The following CAST variants were observed in gnomAD, a reference collection of about 807,000 sequenced individuals.
CAST encodes the protein MIR583 host.
CAST carries 76 observed loss-of-function variants against 119.6 expected under a neutral mutation model. That is an observed-to-expected ratio of 0.64 (90% CI 0.53 to 0.77). The LOEUF is 0.77. CAST is among the 30% of genes least tolerant of loss of function. CAST has a pLI of 0.00. For synonymous variants in CAST, 319 were observed against 331.6 expected, an observed-to-expected ratio of 0.96 and a Z score of 0.41; for missense variants, 953 against 946.5, an observed-to-expected ratio of 1.01 and a Z score of -0.09.
intron 2 of CAST, among the ~76,000 whole-genome samples, chr5:96,694,459 A>C (rs984489119): frequency 6.6e-6 from 1 of 152,082 alleles, no homozygotes; most frequent in African/African-American, 2.4e-5. Flanking sequence ...AACACGCTGA[A>C]ACCCTACTAA....
At chr5:96,332,925 C>A in the CAST span, among the ~76,000 whole-genome samples, 1 of 152,174 alleles carries the variant, frequency 6.6e-6, no homozygotes, top group Non-Finnish European at 1.5e-5. Flanking sequence ...ACCTTTGACT[C>A]CAGCCAGGTG....
chr5:96,289,823 T>C, the CAST span, among the ~76,000 whole-genome samples: 1 of 152,114 alleles, frequency 6.6e-6, no homozygotes, highest in African/African-American at 2.4e-5. Flanking sequence ...ATAAATGAGG[T>C]GAAAAAATGT....
the CAST span, among the ~76,000 whole-genome samples, chr5:96,411,862 T>C: frequency 6.6e-6 from 1 of 152,174 alleles, no homozygotes. Context: ...CAGGCTGGAG[T>C]GCAATGCTGC....
At chr5:96,200,754 C>T in the CAST span, among the ~76,000 whole-genome samples, 1 of 152,064 alleles carries the variant, frequency 6.6e-6, no homozygotes, top group African/African-American at 2.4e-5. Flanking sequence ...CTTAGTTCCT[C>T]TGTGGCTTAG....
chr5:96,328,128 G>A, the CAST span, among the ~76,000 whole-genome samples: 499 of 152,204 alleles, frequency 3.3e-3, 1 homozygote, highest in African/African-American at 0.011. Context: ...GCTTTCCTTG[G>A]CATTTTCATT....
the CAST span, among the ~76,000 whole-genome samples, chr5:96,001,976 C>A: frequency 2.0e-5 from 3 of 152,118 alleles, no homozygotes; most frequent in East Asian, 5.8e-4. Context: ...CTTCTGTTTC[C>A]CTCTGCATAC....
At chr5:96,407,965 A>G in the CAST span, among the ~76,000 whole-genome samples, 2 of 152,248 alleles carry the variant, frequency 1.3e-5, no homozygotes, top group South Asian at 2.1e-4. Flanking sequence ...TATGTTTAAT[A>G]TATTGTAGAA....
intron 1 of CAST, among the ~76,000 whole-genome samples, chr5:96,548,922 G>T (rs1746069227): frequency 6.6e-6 from 1 of 152,178 alleles, no homozygotes; most frequent in South Asian, 2.1e-4. Flanking sequence ...AGAGAGCAGG[G>T]CAAGGAAGCA....
rs988415839 is a variant in CAST, at chr5:96,773,735, G to A, written c.*1119G>A. On this transcript the variant is annotated 3_prime_UTR_variant, in exon 32 of 32. Coordinates refer to ENST00000675179, the MANE Select transcript of CAST (RefSeq NM_001750.7). ...TCCTGAACATTGCACTGATATCATC[G>A]ATTAGAATTTTGATATTTAATTTCA... The A allele has an allele frequency of 1.3e-5, 2 of 152,132 alleles. No individual in the cohort carries two copies. The highest frequency in any genetic ancestry group is 2.9e-5 in the Non-Finnish European group (2 of 67,982). The allele number at this position is 152,132 out of a possible 1,614,324, so 9.4% of individuals were successfully genotyped here. A position where few individuals can be genotyped will look rare whatever the true frequency, so the allele number is the denominator to read the frequency against.
chr5:96,660,367 C>T (rs1389091754), upstream of CAST, among the ~76,000 whole-genome samples: 1 of 152,232 alleles, frequency 6.6e-6, no homozygotes, highest in African/African-American at 2.4e-5. Flanking sequence ...TCATGTGTTA[C>T]AAATGCCATA....
the CAST span, among the ~76,000 whole-genome samples, chr5:96,275,531 G>A: frequency 2.0e-5 from 3 of 152,158 alleles, no homozygotes; most frequent in Non-Finnish European, 4.4e-5. Flanking sequence ...ATGATAGTTT[G>A]TGTAAGCTCT....
At chr5:96,640,641 G>A (rs770250287) in intron 1 of CAST, among the ~76,000 whole-genome samples, 1 of 152,222 alleles carries the variant, frequency 6.6e-6, no homozygotes, top group Non-Finnish European at 1.5e-5. Context: ...GAGCTGAGCT[G>A]GGATGCAGAT....
At chr5:96,049,893 A>AG in the CAST span, among the ~76,000 whole-genome samples, 2 of 125,784 alleles carry the variant, frequency 1.6e-5, no homozygotes, top group Non-Finnish European at 3.2e-5. Context: ...AGGAGGCAAA[A>AG]AAAAAAAAAA....
rs557681295 is a variant in CAST, at chr5:96,558,800, C to T, written c.60+28920C>T. On this transcript the variant is annotated intron_variant, in intron 1 of 11. Coordinates refer to the CAST transcript ENST00000505143. ...GCTATGAGGAGGAGCTAGTACCATT[C>T]CTTCTGAAACTATTCCAATCAATAG... is the stretch of plus-strand genomic sequence containing the variant. 5.9e-5 allele frequency among the ~76,000 whole-genome samples: 9 copies of T among 152,316 alleles called. No individual in the cohort carries two copies. The South Asian group carries it at 1.9e-3, about 32-fold the overall frequency.
the CAST span, among the ~76,000 whole-genome samples, chr5:96,239,469 A>T: frequency 6.6e-6 from 1 of 151,910 alleles, no homozygotes; most frequent in African/African-American, 2.4e-5. Context: ...GGGGAGTATA[A>T]ACTTTATTAG....
At chr5:96,535,640 C>G (rs1396168404) in intron 1 of CAST, among the ~76,000 whole-genome samples, 1 of 138,960 alleles carries the variant, frequency 7.2e-6, no homozygotes, top group Non-Finnish European at 1.5e-5. Flanking sequence ...GTGGCGCGAT[C>G]TCGGCTCACT....
At chr5:96,151,222 C>G in the CAST span, among the ~76,000 whole-genome samples, 5 of 152,212 alleles carry the variant, frequency 3.3e-5, no homozygotes, top group African/African-American at 1.2e-4. Flanking sequence ...CATATGAAGA[C>G]AGCAGATTCA....
At chr5:96,684,884 T>C (rs1160520336) in intron 2 of CAST, among the ~76,000 whole-genome samples, 3 of 152,056 alleles carry the variant, frequency 2.0e-5, no homozygotes, top group East Asian at 3.8e-4. Flanking sequence ...GCATCACTAT[T>C]CAATGAGCTG....
chr5:96,016,457 G>A, the CAST span, among the ~76,000 whole-genome samples: 14 of 152,158 alleles, frequency 9.2e-5, no homozygotes, highest in African/African-American at 3.1e-4. Flanking sequence ...CACCCTGCAA[G>A]CTGATAAGCA....
Sources: gnomAD v4.1 joint callset for allele counts (sites outside exome capture counted in the v4.1 genomes callset) on GRCh38, gnomAD v4.1.1 for gene constraint, MANE v1.5 for transcripts, NCBI Gene and HGNC (gene_info 2026-07-23, HGNC 2026-07-21) for gene names.